PSD3: variants seen among roughly 807,000 people sequenced by gnomAD.
PSD3 encodes pleckstrin and Sec7 domain containing 3.
A neutral mutation model predicts 105.5 loss-of-function variants in PSD3; 49 were observed. That is an observed-to-expected ratio of 0.46 (90% confidence interval 0.37 to 0.59). The LOEUF (loss-of-function observed/expected upper bound fraction) is 0.59. Ranked by LOEUF, PSD3 falls within the 20% of genes least tolerant of loss-of-function variation. The pLI is 0.00. For missense variants in PSD3, 1,561 were observed against 1,263.8 expected, an observed-to-expected ratio of 1.24 and a Z score of -3.57; for synonymous variants, 557 against 457.8, an observed-to-expected ratio of 1.22 and a Z score of -2.77.
chr8:18,749,277 C>T (rs1239607360), intron 9 of PSD3, among the ~76,000 whole-genome samples: 1 of 152,136 alleles, frequency 6.6e-6, no homozygotes, highest in African/African-American at 2.4e-5. Flanking sequence ...GCTGTTACCC[C>T]ACAACCAGAG....
At chr8:18,566,662 C>G (rs1000139743) in intron 14 of PSD3, among the ~76,000 whole-genome samples, 1 of 152,078 alleles carries the variant, frequency 6.6e-6, no homozygotes, top group Non-Finnish European at 1.5e-5. Flanking sequence ...TCATTTCTTT[C>G]CAAATAAATT....
chr8:18,565,955 T>A (rs1486777218), intron 14 of PSD3, among the ~76,000 whole-genome samples: 1 of 152,058 alleles, frequency 6.6e-6, no homozygotes, highest in African/African-American at 2.4e-5. Context: ...CGACAAAGAA[T>A]TATCCACACC....
At position 18,713,872 on chromosome 8, in the gene PSD3, T is replaced by A. The variant is rs535581213; in HGVS notation, c.2172+51577A>T. On this transcript the variant is annotated intron_variant, in intron 9 of 15. Coordinates refer to ENST00000327040, the MANE Select transcript of PSD3 (RefSeq NM_015310.4). ...ACCTGGAGAAATCCCACTACCTGAATTCAAACTATACTACAAGTCTACAGT... is the reference window on the plus strand; with the variant it reads ...ACCTGGAGAAATCCCACTACCTGAAATCAAACTATACTACAAGTCTACAGT... Among the ~76,000 whole-genome samples, 3 of 152,256 alleles carry A rather than the reference T, an allele frequency of 2.0e-5. No homozygotes were observed. In the East Asian group the frequency reaches 5.8e-4, roughly 29 times the overall value.
At position 18,728,151 on chromosome 8, in the gene PSD3, C is replaced by T. The variant is rs575137046; in HGVS notation, c.2172+37298G>A. ...CATTATAGGTTCAGGTCAAGTCCCA[C>T]TTTCACTCATCACTTCAGCCTTCAC... On this transcript the variant is annotated intron_variant, in intron 9 of 15. Coordinates refer to ENST00000327040, the MANE Select transcript of PSD3 (RefSeq NM_015310.4). Among the ~76,000 whole-genome samples the T allele has an allele frequency of 8.1e-4, 124 of 152,244 alleles. 2 individuals are homozygous for T. The highest frequency in any genetic ancestry group is 2.1e-3 in the South Asian group (10 of 4,824).
chr8:18,862,981 C>T (rs191856260), intron 4 of PSD3, among the ~76,000 whole-genome samples: 6 of 151,888 alleles, frequency 4.0e-5, no homozygotes, highest in Admixed American at 1.3e-4. Flanking sequence ...ATCAGCTGCA[C>T]GCAGATGTAA....
At chr8:18,932,471 AC>A (rs1289762570) in intron 2 of PSD3, among the ~76,000 whole-genome samples, 1 of 152,226 alleles carries the variant, frequency 6.6e-6, no homozygotes, top group Non-Finnish European at 1.5e-5. Flanking sequence ...CCATGAAGAT[AC>A]CTATCTTACC....
At chr8:18,747,422 T>C (rs1805118628) in intron 9 of PSD3, among the ~76,000 whole-genome samples, 2 of 152,178 alleles carry the variant, frequency 1.3e-5, no homozygotes, top group Admixed American at 6.5e-5. Context: ...ATGACTGACA[T>C]AATAGATGGG....
At chr8:18,633,572 G>A (rs947610555) in intron 10 of PSD3, among the ~76,000 whole-genome samples, 4 of 152,134 alleles carry the variant, frequency 2.6e-5, no homozygotes, top group South Asian at 2.1e-4. Flanking sequence ...CATCCATGCC[G>A]CTGCAAAGGA....
At chr8:18,712,376 C>T (rs1405402509) in intron 9 of PSD3, among the ~76,000 whole-genome samples, 1 of 150,652 alleles carries the variant, frequency 6.6e-6, no homozygotes, top group Non-Finnish European at 1.5e-5. Flanking sequence ...AGATGAACCA[C>T]TAGCTAGAAC....
chr8:19,033,753 G>T (rs1165201862), intron 1 of PSD3, among the ~76,000 whole-genome samples: 10 of 152,024 alleles, frequency 6.6e-5, no homozygotes, highest in Non-Finnish European at 1.5e-4. Flanking sequence ...ATAAGTGGTT[G>T]GGATGGAATT....
intron 10 of PSD3, among the ~76,000 whole-genome samples, chr8:18,637,079 T>A (rs1188450608): frequency 1.3e-5 from 2 of 152,218 alleles, no homozygotes; most frequent in Admixed American, 6.5e-5. Flanking sequence ...CGATCTGCAA[T>A]ATATTGATTT....
chr8:18,694,885 C>A (rs1162055468), intron 9 of PSD3, among the ~76,000 whole-genome samples: 1 of 151,968 alleles, frequency 6.6e-6, no homozygotes, highest in Admixed American at 6.6e-5. Context: ...TCAAGGGATC[C>A]TTGGAGCTGG....
chr8:18,709,586 G>C (rs1253477987), intron 9 of PSD3, among the ~76,000 whole-genome samples: 2 of 152,206 alleles, frequency 1.3e-5, no homozygotes, highest in African/African-American at 4.8e-5. Context: ...ATACAGCAGA[G>C]TTCTGGCTAG....
At chr8:18,675,254 T>G (rs551791732) in intron 9 of PSD3, among the ~76,000 whole-genome samples, 2 of 152,318 alleles carry the variant, frequency 1.3e-5, no homozygotes, top group Non-Finnish European at 2.9e-5. Flanking sequence ...CACCAGGATC[T>G]AGAGAAGGTC....
intron 9 of PSD3, among the ~76,000 whole-genome samples, chr8:18,661,234 C>A (rs1306203841): frequency 1.3e-5 from 2 of 152,192 alleles, no homozygotes; most frequent in African/African-American, 4.8e-5. Context: ...ACAGCTTCCA[C>A]TTTCAGTGAA....
intron 9 of PSD3, among the ~76,000 whole-genome samples, chr8:18,760,318 T>C (rs1806413929): frequency 6.6e-6 from 1 of 152,176 alleles, no homozygotes; most frequent in Admixed American, 6.5e-5. Context: ...TATGATGTTA[T>C]TAACTATAGT....
At chr8:18,789,495 G>C (rs541669296) in intron 8 of PSD3, among the ~76,000 whole-genome samples, 2 of 152,194 alleles carry the variant, frequency 1.3e-5, no homozygotes, top group African/African-American at 4.8e-5. Flanking sequence ...AATCTTATCA[G>C]TTTCAGTTCC....
At chr8:18,954,164 C>T (rs1823412239) in intron 1 of PSD3, among the ~76,000 whole-genome samples, 2 of 151,998 alleles carry the variant, frequency 1.3e-5, no homozygotes, top group African/African-American at 4.8e-5. Context: ...ATCTTAAGGA[C>T]CATCTGTATT....
At chr8:18,798,092 G>A (rs1047873105) in intron 8 of PSD3, among the ~76,000 whole-genome samples, 6 of 152,152 alleles carry the variant, frequency 3.9e-5, no homozygotes, top group Non-Finnish European at 8.8e-5. Flanking sequence ...CCTTTAACAA[G>A]CTGGATGAAC....
Sources: gnomAD v4.1 joint callset for allele counts (sites outside exome capture counted in the v4.1 genomes callset) on GRCh38, gnomAD v4.1.1 for gene constraint, MANE v1.5 for transcripts, NCBI Gene and HGNC (gene_info 2026-07-23, HGNC 2026-07-21) for gene names.